Variants in ZFC3H1 observed in about 807,000 individuals in gnomAD.
ZFC3H1 encodes the protein zinc finger C3H1-type containing.
In ZFC3H1, 71 loss-of-function variants were observed where a neutral mutation model predicts 243.7. That is an observed-to-expected ratio of 0.29 (90% confidence interval 0.24 to 0.36). The LOEUF (loss-of-function observed/expected upper bound fraction) is 0.36. ZFC3H1 is among the 10% of genes least tolerant of loss of function. The pLI is 1.00. For synonymous variants in ZFC3H1, 838 were observed against 813.0 expected, an observed-to-expected ratio of 1.03 and a Z score of -0.52; for missense variants, 1,966 against 2,317.1, an observed-to-expected ratio of 0.85 and a Z score of 3.11.
intron 24 of ZFC3H1, among the ~76,000 whole-genome samples, chr12:71,622,651 T>C (rs1400845983): frequency 1.3e-5 from 2 of 151,924 alleles, no homozygotes; most frequent in African/African-American, 2.4e-5. Flanking sequence ...TTAGTAGAGA[T>C]AGGGATTCAT....
chr12:71,614,058 C>T (rs944713549), intron 30 of ZFC3H1, among the ~76,000 whole-genome samples: 1 of 152,006 alleles, frequency 6.6e-6, no homozygotes, highest in South Asian at 2.1e-4. Context: ...ATAAGCAGCA[C>T]CTAATTTTAA....
chr12:71,654,122 C>T (rs745843070), intron 2 of ZFC3H1, among the ~76,000 whole-genome samples: 6 of 151,922 alleles, frequency 3.9e-5, no homozygotes, highest in Non-Finnish European at 7.4e-5. Flanking sequence ...AGCAAAAACA[C>T]ATTTTTAAAA....
At chr12:71,650,327 AAT>A (rs1880849733) in intron 2 of ZFC3H1, among the ~76,000 whole-genome samples, 1 of 152,186 alleles carries the variant, frequency 6.6e-6, no homozygotes, top group Admixed American at 6.5e-5. Flanking sequence ...TCAGACAATA[AAT>A]ATAACTTTAC....
At chr12:71,631,723 T>A in intron 16 of ZFC3H1, 55 bp downstream of exon 16, 1 of 1,444,382 alleles carries the variant, frequency 6.9e-7, no homozygotes. Flanking sequence ...AGATAAAATA[T>A]TAAAAACCAA....
intron 1 of ZFC3H1, among the ~76,000 whole-genome samples, chr12:71,659,726 A>G (rs2137566793): frequency 6.6e-6 from 1 of 152,352 alleles, no homozygotes; most frequent in Non-Finnish European, 1.5e-5. Context: ...ACAGAAGCCT[A>G]AGATCAAACC....
At chr12:71,661,295 G>C (rs988228827) in intron 1 of ZFC3H1, among the ~76,000 whole-genome samples, 2 of 151,600 alleles carry the variant, frequency 1.3e-5, no homozygotes, top group African/African-American at 4.8e-5. Flanking sequence ...GCGAGACTCT[G>C]TCTCAAAAAT....
At chr12:71,641,190 A>G (rs1439140664) in intron 6 of ZFC3H1, among the ~76,000 whole-genome samples, 1 of 152,216 alleles carries the variant, frequency 6.6e-6, no homozygotes, top group South Asian at 2.1e-4. Context: ...AATACTTGGG[A>G]ATTATAATGA....
chr12:71,637,446 TA>T (rs1200356934), intron 7 of ZFC3H1, among the ~76,000 whole-genome samples: 1 of 152,090 alleles, frequency 6.6e-6, no homozygotes, highest in Admixed American at 6.6e-5. Flanking sequence ...AATATTTCAG[TA>T]AAAAATAAAA....
At chr12:71,622,625 G>A (rs1208577519) in intron 24 of ZFC3H1, among the ~76,000 whole-genome samples, 1 of 152,054 alleles carries the variant, frequency 6.6e-6, no homozygotes, top group Non-Finnish European at 1.5e-5. Flanking sequence ...ACCACGCCCG[G>A]CTAAATTTTG....
Position 71,661,363 on chromosome 12 carries a change from T to C in ZFC3H1, c.598+1650A>G, listed in dbSNP as rs938281803. ...TATATGCTTAAATAGCCTTTCTGGC[T>C]TTTGGATTCAAAATAGACCACAAAT... On this transcript the variant is annotated intron_variant, in intron 1 of 34. Transcript: ENST00000378743. Among the ~76,000 whole-genome samples, 5 of 152,144 alleles carry C rather than the reference T, an allele frequency of 3.3e-5. No individual in the cohort carries two copies. The South Asian group carries it at 1.0e-3, about 31-fold the overall frequency.
chr12:71,648,421 C>T (rs1284650361), intron 2 of ZFC3H1, among the ~76,000 whole-genome samples: 3 of 152,178 alleles, frequency 2.0e-5, no homozygotes, highest in Non-Finnish European at 2.9e-5. Flanking sequence ...CAGCTTTAAA[C>T]ATCACATGAT....
intron 32 of ZFC3H1, 67 bp downstream of exon 32, chr12:71,611,719 C>A: frequency 6.1e-6 from 4 of 657,206 alleles, no homozygotes; most frequent in South Asian, 2.3e-5. Flanking sequence ...TCAGATTTAC[C>A]TGTCTGGAGC....
At chr12:71,622,382 A>C (rs1329837906) in intron 24 of ZFC3H1, among the ~76,000 whole-genome samples, 1 of 152,162 alleles carries the variant, frequency 6.6e-6, no homozygotes, top group African/African-American at 2.4e-5. Flanking sequence ...TTCCTTGATC[A>C]TGCCAATCTA....
chr12:71,635,541 A>C lies in ZFC3H1; in HGVS notation c.2140T>G (p.Ser714Ala). 1 of 1,563,688 alleles carries C rather than the reference A, an allele frequency of 6.4e-7. No individual in the cohort carries two copies. Among genetic ancestry groups the C allele is most frequent in the Non-Finnish European group, 8.6e-7 (1 of 1,163,836 alleles). ...TCTCCATCAGATTCACTATCATCTG[A>C]ATCATTTAGTGTTACAACCACTGAT... ...HKSVVVTLND[S>A]DDSESDGEAS... is the part of the protein sequence containing the mutation. Residue 714 changes from serine (S) to alanine (A), a missense_variant, in exon 10 of 35, where the codon TCA (serine) becomes GCA (alanine). Coordinates refer to ENST00000378743, the MANE Select transcript of ZFC3H1 (RefSeq NM_144982.5).
At chr12:71,615,071 C>T (rs1879861492) in intron 28 of ZFC3H1, 133 bp from the exon 29 acceptor site, 5 of 1,103,008 alleles carry the variant, frequency 4.5e-6, no homozygotes, top group Non-Finnish European at 5.3e-6. Flanking sequence ...CTAGTATATA[C>T]TAAACCTTAG....
chr12:71,628,806 A>C, intron 20 of ZFC3H1, 112 bp downstream of exon 20: 1 of 1,258,088 alleles, frequency 7.9e-7, no homozygotes, highest in South Asian at 1.9e-5. Context: ...TTTTTAAAAA[A>C]AATTTTTTTT....
rs921184941 is a variant in ZFC3H1, at chr12:71,632,229, T to C, written c.3103A>G (p.Ile1035Val). 16 of 1,611,548 alleles carry C rather than the reference T, an allele frequency of 9.9e-6. No homozygotes were observed. The highest frequency in any genetic ancestry group is 1.4e-5 in the Non-Finnish European group (16 of 1,179,194). The change falls in exon 15 of 35, where the codon ATT becomes GTT. Residue 1035 changes from isoleucine (I) to valine (V), a missense_variant. Transcript: ENST00000378743. Reference protein sequence around the residue: ...DTEENDVDDEILSGSSRERRR... With the variant: ...DTEENDVDDEVLSGSSRERRR... ...CGCTCTCTGCTTGAACCAGACAAAA[T>C]TTCATCATCAACATCATTTTCTTCA...
chr12:71,628,813 T>A, intron 20 of ZFC3H1, 105 bp downstream of exon 20: 1 of 1,327,050 alleles, frequency 7.5e-7, no homozygotes, highest in South Asian at 1.8e-5. Context: ...AAAAAATTTT[T>A]TTTTAACCAG....
At position 71,620,311 on chromosome 12, in the gene ZFC3H1, T is replaced by A; in HGVS notation, c.4749A>T (p.Ala1583=). 2 of 1,614,102 alleles carry A rather than the reference T, an allele frequency of 1.2e-6. No homozygotes were observed. Among genetic ancestry groups the A allele is most frequent in the Non-Finnish European group, 1.7e-6 (2 of 1,179,970 alleles). The change falls in exon 25 of 35, where the codon GCA becomes GCT. Residue 1583 remains alanine, a synonymous_variant. Transcript: ENST00000378743. ...GGCTCTCATCTGTGCAAGCTTTCAC[T>A]GCATCTACCCAAAAACATCACAACA... ...PDMLLAVFED[A]VKACTDESLA... is the part of the protein sequence containing the mutation.
Sources: gnomAD v4.1 joint callset for allele counts (sites outside exome capture counted in the v4.1 genomes callset) on GRCh38, gnomAD v4.1.1 for gene constraint, MANE v1.5 for transcripts, NCBI Gene and HGNC (gene_info 2026-07-23, HGNC 2026-07-21) for gene names.